Variants in MID1 observed in about 807,000 individuals in gnomAD.
The protein encoded by MID1 is E3 ubiquitin-protein ligase Midline-1.
Under a neutral mutation model 40.4 loss-of-function variants are expected in MID1, and 7 were observed. That is an observed-to-expected ratio of 0.17 (90% confidence interval 0.10 to 0.33). The LOEUF (loss-of-function observed/expected upper bound fraction) is 0.33. Ranked by LOEUF, MID1 falls within the 10% of genes least tolerant of loss-of-function variation. MID1 has a pLI of 1.00. For synonymous variants in MID1, 229 were observed against 221.2 expected (o/e 1.04, Z -0.31); for missense variants, 367 against 558.5 (o/e 0.66, Z 3.46).
intron 3 of MID1, among the ~76,000 whole-genome samples, chrX:10,509,833 T>C (rs1186774971): frequency 8.9e-6 from 1 of 111,965 alleles, no homozygotes; most frequent in African/African-American, 3.2e-5. Flanking sequence ...CCTCTAGAGG[T>C]GTTCCATTCA....
chrX:10,479,645 C>T (rs1177907301), intron 5 of MID1, among the ~76,000 whole-genome samples: 1 of 111,899 alleles, frequency 8.9e-6, no homozygotes, highest in African/African-American at 3.2e-5. Context: ...TCTGCAGTTC[C>T]ATCCATGTTG....
chrX:10,533,374 AAGAAAAAG>A (rs1933081457), intron 2 of MID1, among the ~76,000 whole-genome samples: 1 of 84,838 alleles, frequency 1.2e-5, no homozygotes, highest in Non-Finnish European at 2.3e-5. Flanking sequence ...GAAAGAAAGA[AAGAAAAAG>A]AAAGAAAGAA....
chrX:10,603,872 G>A (rs748900253), intron 1 of MID1, among the ~76,000 whole-genome samples: 1 of 111,480 alleles, frequency 9.0e-6, no homozygotes, highest in East Asian at 2.8e-4. Flanking sequence ...ATTCAACCAG[G>A]ATAAGGTTTG....
At chrX:10,735,416 AAC>A (rs1211669751) in intron 1 of MID1, among the ~76,000 whole-genome samples, 3 of 111,920 alleles carry the variant, frequency 2.7e-5, no homozygotes, top group Non-Finnish European at 5.6e-5. Context: ...GGGATTTTTA[AAC>A]ACACTACACA....
intron 1 of MID1, among the ~76,000 whole-genome samples, chrX:10,593,729 ACTCTGTCTCTCTAC>A (rs1326436535): frequency 2.0e-5 from 2 of 99,379 alleles, no homozygotes; most frequent in African/African-American, 7.7e-5. Context: ...ACACTCTCAC[ACTCTGTCTCTCTAC>A]CTCTGTCTCT....
chrX:10,740,183 G>C (rs1335655165), intron 1 of MID1, among the ~76,000 whole-genome samples: 3 of 112,663 alleles, frequency 2.7e-5, no homozygotes, highest in African/African-American at 9.7e-5. Context: ...TCTGGGGAAA[G>C]ATAAATGAAG....
intron 1 of MID1, among the ~76,000 whole-genome samples, chrX:10,826,189 G>A (rs763669297): frequency 1.8e-5 from 2 of 110,934 alleles, no homozygotes; most frequent in African/African-American, 3.3e-5. Flanking sequence ...TCAAATTCCT[G>A]AGAGTCTGTT....
intron 1 of MID1, among the ~76,000 whole-genome samples, chrX:10,784,292 G>T (rs1052840056): frequency 9.0e-6 from 1 of 111,273 alleles, no homozygotes; most frequent in Non-Finnish European, 1.9e-5. Context: ...AATGGGAAAC[G>T]TATGTTACTT....
At chrX:10,698,731 G>GAAAAAAAAAA (rs777771037) in intron 1 of MID1, among the ~76,000 whole-genome samples, 1 of 67,636 alleles carries the variant, frequency 1.5e-5, no homozygotes, top group Admixed American at 1.7e-4. Flanking sequence ...AGAAGAAAAA[G>GAAAAAAAAAA]AAAAAAAAAA....
At chrX:10,472,661 T>C (rs73492950) in intron 6 of MID1, among the ~76,000 whole-genome samples, 6,455 of 112,213 alleles carry the variant, frequency 0.058, 359 homozygotes, top group African/African-American at 0.17. Flanking sequence ...TCAAGCTTTT[T>C]GTTTTTCTGA....
At chrX:10,463,187 A>C (rs1207309133) in intron 7 of MID1, among the ~76,000 whole-genome samples, 1 of 111,361 alleles carries the variant, frequency 9.0e-6, no homozygotes, top group Non-Finnish European at 1.9e-5. Flanking sequence ...AACAAAAATA[A>C]AAAATAAAAA....
intron 1 of MID1, among the ~76,000 whole-genome samples, chrX:10,666,805 C>T (rs1229987948): frequency 9.0e-6 from 1 of 111,372 alleles, no homozygotes; most frequent in Non-Finnish European, 1.9e-5. Context: ...AGCTATAAGA[C>T]GAGCTTTTCA....
intron 1 of MID1, among the ~76,000 whole-genome samples, chrX:10,744,504 TA>T (rs1215917833): frequency 5.4e-5 from 6 of 111,285 alleles, no homozygotes; most frequent in African/African-American, 2.0e-4. Context: ...GTGAGCTAAC[TA>T]GCCCCCAAAT....
intron 1 of MID1, among the ~76,000 whole-genome samples, chrX:10,706,465 A>C (rs2043232193): frequency 9.0e-6 from 1 of 110,708 alleles, no homozygotes; most frequent in African/African-American, 3.3e-5. Flanking sequence ...GGGGGTAGTT[A>C]CACCCATGCT....
chrX:10,723,121 C>T (rs895567675), intron 1 of MID1, among the ~76,000 whole-genome samples: 2 of 111,972 alleles, frequency 1.8e-5, no homozygotes, highest in African/African-American at 3.2e-5. Flanking sequence ...AACCCCAAAC[C>T]ACATGAAATT....
rs182037398 is a variant in MID1, at chrX:10,510,135, G to C, written c.756+12957C>G. ...ATGTTTGATTAACTCAAGTTGAATA[G>C]ACTCAACTCCATTAAACAATCAATT... On this transcript the variant is annotated intron_variant, in intron 3 of 9. Coordinates refer to ENST00000317552, the MANE Select transcript of MID1 (RefSeq NM_000381.4). Among the ~76,000 whole-genome samples the C allele has an allele frequency of 2.3e-3, 262 of 112,009 alleles. 1 individual carries two copies. The highest frequency in any genetic ancestry group is 4.0e-3 in the Admixed American group (43 of 10,618).
intron 1 of MID1, among the ~76,000 whole-genome samples, chrX:10,774,806 T>G (rs73484937): frequency 0.021 from 2,388 of 111,385 alleles, 81 homozygotes; most frequent in African/African-American, 0.074. Flanking sequence ...AGTCAAAGTC[T>G]TTCGTCAAAT....
At chrX:10,576,114 C>T (rs1328323025) in intron 1 of MID1, among the ~76,000 whole-genome samples, 1 of 104,719 alleles carries the variant, frequency 9.5e-6, no homozygotes, top group Admixed American at 1.0e-4. Flanking sequence ...TTAAGAAGTG[C>T]TGAAATTATT....
intron 1 of MID1, among the ~76,000 whole-genome samples, chrX:10,570,868 A>G (rs1003736213): frequency 2.7e-5 from 3 of 112,569 alleles, no homozygotes; most frequent in African/African-American, 9.7e-5. Flanking sequence ...TGAGCCATGT[A>G]TTGGAAGATA....
Sources: gnomAD v4.1 joint callset for allele counts (sites outside exome capture counted in the v4.1 genomes callset) on GRCh38, gnomAD v4.1.1 for gene constraint, MANE v1.5 for transcripts, NCBI Gene and HGNC (gene_info 2026-07-23, HGNC 2026-07-21) for gene names.